The following STOML3 variants were observed in gnomAD, a reference collection of about 807,000 sequenced individuals.
The protein encoded by STOML3 is stomatin-like protein 3.
A neutral mutation model predicts 29.5 loss-of-function variants in STOML3; 31 were observed. That is an observed-to-expected ratio of 1.05 (90% CI 0.79 to 1.42). STOML3 has a LOEUF of 1.42. STOML3 is among the 40% of genes most tolerant of loss of function. The probability of loss-of-function intolerance (pLI) is 0.00; values close to 1 mark genes in which losing one functional copy is unlikely to be tolerated. For synonymous variants in STOML3, 122 were observed against 139.8 expected, an observed-to-expected ratio of 0.87 and a Z score of 0.90; for missense variants, 380 against 363.0, an observed-to-expected ratio of 1.05 and a Z score of -0.38.
Position 38,967,045 on chromosome 13 carries a change from A to T in STOML3, c.656T>A (p.Leu219His). The T allele has an allele frequency of 1.2e-6, 2 of 1,612,782 alleles. No homozygotes were observed. The highest frequency in any genetic ancestry group is 1.7e-6 in the Non-Finnish European group (2 of 1,179,428). Reference protein sequence around the residue: ...EATREARAKVLAAEGEMNASK... With the variant: ...EATREARAKVHAAEGEMNASK... ...AGCATTCATTTCTCCTTCAGCTGCA[A>T]GGACCTGAAATGACAGAAATAAAAT... Residue 219 changes from leucine to histidine, a missense_variant, in exon 7 of 7, where the codon CTT (leucine) becomes CAT (histidine). By Grantham distance (99) the Leu-to-His change is moderately conservative. Coordinates refer to ENST00000379631, the MANE Select transcript of STOML3 (RefSeq NM_145286.3).
At position 38,968,496 on chromosome 13, in the gene STOML3, C is replaced by A; in HGVS notation, c.555G>T (p.Arg185=). 6.2e-7 allele frequency: 1 copy of A among 1,614,146 alleles called. No homozygotes were observed. Among genetic ancestry groups the A allele is most frequent in the South Asian group, 1.1e-5 (1 of 91,076 alleles). Residue 185 remains arginine, a synonymous_variant, in exon 6 of 7, where the codon CGG becomes CGT. Coordinates refer to ENST00000379631, the MANE Select transcript of STOML3 (RefSeq NM_145286.3). ...LDDATELWGI[R]VARVEIKDVR... ...CATCTTTGATTTCCACTCGGGCCAC[C>A]CGGATCCCCCACAGTTCGGTGGCAT...
At chr13:38,983,125 T>C (rs1386031558) in intron 1 of STOML3, among the ~76,000 whole-genome samples, 1 of 152,178 alleles carries the variant, frequency 6.6e-6, no homozygotes, top group East Asian at 1.9e-4. Flanking sequence ...GAGAAAGGCA[T>C]AAACTTTGAC....
rs780237719 is a variant in STOML3, at chr13:38,976,787, A to G, written c.63T>C (p.Asn21=). Residue 21 remains asparagine, a synonymous_variant, in exon 2 of 7, where the codon AAT becomes AAC. Transcript: ENST00000379631. ...TCCAGCCACATACACCAAGCCGTTT[A>G]TTGTTGACACCTAGGAAATGAGAAG... The part of the protein sequence containing the change: ...QDKENFVGVN[N]KRLGVCGWIL... 1 of 1,613,520 alleles carries G rather than the reference A, an allele frequency of 6.2e-7. No individual in the cohort carries two copies.
At chr13:38,985,902 C>CT (rs1371193997) in intron 1 of STOML3, among the ~76,000 whole-genome samples, 45 of 35,324 alleles carry the variant, frequency 1.3e-3, no homozygotes, top group East Asian at 2.7e-3. Flanking sequence ...TTTTTTTTTT[C>CT]TTTTCTTTCT....
chr13:38,970,391 G>C lies in STOML3; in HGVS notation c.313-3C>G, dbSNP rs1363993849. The C allele has an allele frequency of 6.2e-7, 1 of 1,613,484 alleles. No homozygotes were observed. Among genetic ancestry groups the C allele is most frequent in the Non-Finnish European group, 8.5e-7 (1 of 1,179,634 alleles). ...GTTACGGAGTCTCTGGTGAGGATCT[G>C]TGGAGTAAGAACAGGGCAAAATCAC... On this transcript the variant is annotated splice_region_variant and splice_polypyrimidine_tract_variant and intron_variant, in intron 4 of 6. Coordinates refer to ENST00000379631, the MANE Select transcript of STOML3 (RefSeq NM_145286.3).
chr13:38,982,103 T>C (rs1881285171), intron 1 of STOML3, among the ~76,000 whole-genome samples: 1 of 152,054 alleles, frequency 6.6e-6, no homozygotes, highest in Admixed American at 6.6e-5. Flanking sequence ...AAACTACGGC[T>C]GTATGTAAAA....
At chr13:38,977,992 C>T (rs907556973) in intron 1 of STOML3, among the ~76,000 whole-genome samples, 1 of 151,916 alleles carries the variant, frequency 6.6e-6, no homozygotes, top group Non-Finnish European at 1.5e-5. Context: ...AATCTCCTAA[C>T]CTTGTGATCT....
chr13:38,976,233 T>C (rs552712243), intron 3 of STOML3, among the ~76,000 whole-genome samples: 22 of 152,320 alleles, frequency 1.4e-4, no homozygotes, highest in African/African-American at 5.1e-4. Context: ...CACATTCTCC[T>C]GGTGGCCCTG....
chr13:38,980,269 C>T (rs1179624971), intron 1 of STOML3: 11 of 767,668 alleles, frequency 1.4e-5, no homozygotes, highest in East Asian at 2.8e-5. Context: ...TAAAGTGGGG[C>T]TGTGAGTGCT....
At chr13:38,987,516 C>T (rs1459097583) in intron 1 of STOML3, among the ~76,000 whole-genome samples, 2 of 150,826 alleles carry the variant, frequency 1.3e-5, no homozygotes, top group South Asian at 2.1e-4. Flanking sequence ...ATAAAGTGTG[C>T]CAGCAGCACA....
chr13:38,976,450 A>C, intron 3 of STOML3, 90 bp downstream of exon 3: 1 of 1,466,288 alleles, frequency 6.8e-7, no homozygotes, highest in South Asian at 1.2e-5. Flanking sequence ...TTTGACTCTC[A>C]ATAGGCACCA....
chr13:38,977,405 T>C (rs1354909931), intron 1 of STOML3, among the ~76,000 whole-genome samples: 3 of 152,222 alleles, frequency 2.0e-5, no homozygotes, highest in African/African-American at 7.2e-5. Flanking sequence ...GAGAATTTGA[T>C]GAGGATTAAA....
chr13:38,983,089 A>G (rs1025036462), intron 1 of STOML3, among the ~76,000 whole-genome samples: 1 of 152,062 alleles, frequency 6.6e-6, no homozygotes, highest in Non-Finnish European at 1.5e-5. Context: ...TCCTCTTTAA[A>G]TTCAGTGCCC....
At chr13:38,968,271 TA>T in intron 6 of STOML3, 128 bp downstream of exon 6, 1 of 1,364,100 alleles carries the variant, frequency 7.3e-7, no homozygotes, top group Non-Finnish European at 9.8e-7. Context: ...AAATTCTCAG[TA>T]AAACTGTGAA....
At chr13:38,985,410 G>T (rs781266388) in intron 1 of STOML3, among the ~76,000 whole-genome samples, 1 of 152,058 alleles carries the variant, frequency 6.6e-6, no homozygotes, top group South Asian at 2.1e-4. Flanking sequence ...GAAACAGAGC[G>T]AGAGAGAGAC....
intron 4 of STOML3, among the ~76,000 whole-genome samples, chr13:38,972,096 T>C (rs1171227419): frequency 6.6e-6 from 1 of 152,222 alleles, no homozygotes; most frequent in Non-Finnish European, 1.5e-5. Flanking sequence ...CAAAAAATTC[T>C]GAGAAGGTGA....
At chr13:38,983,773 A>T (rs547791178) in intron 1 of STOML3, among the ~76,000 whole-genome samples, 48 of 152,278 alleles carry the variant, frequency 3.2e-4, no homozygotes, top group African/African-American at 1.2e-3. Flanking sequence ...CTCCAGAAGG[A>T]TGATTTGTGC....
intron 1 of STOML3, among the ~76,000 whole-genome samples, chr13:38,978,707 T>C (rs1881178156): frequency 6.6e-6 from 1 of 152,178 alleles, no homozygotes; most frequent in Non-Finnish European, 1.5e-5. Flanking sequence ...AGAAAGTCAC[T>C]AAACCTAAAT....
intron 3 of STOML3, among the ~76,000 whole-genome samples, chr13:38,975,357 G>A (rs1289898101): frequency 6.6e-6 from 1 of 150,846 alleles, no homozygotes; most frequent in Non-Finnish European, 1.5e-5. Context: ...AAGAAGGAAA[G>A]CCAAGAAGCC....
Sources: gnomAD v4.1 joint callset for allele counts (sites outside exome capture counted in the v4.1 genomes callset) on GRCh38, gnomAD v4.1.1 for gene constraint, MANE v1.5 for transcripts, NCBI Gene and HGNC (gene_info 2026-07-23, HGNC 2026-07-21) for gene names.